The following SHPRH variants were observed in gnomAD, a reference collection of about 807,000 sequenced individuals.
SHPRH encodes the protein SNF2 histone linker PHD RING helicase.
Under a neutral mutation model 202.5 loss-of-function variants are expected in SHPRH, and 106 were observed. The observed-to-expected ratio is 0.52, with a 90% CI of 0.45 to 0.62. The LOEUF is 0.62. SHPRH is among the 20% of genes least tolerant of loss of function. SHPRH has a pLI of 0.00. For missense variants in SHPRH, 1,710 were observed against 2,020.0 expected (o/e 0.85, Z 2.94); for synonymous variants, 729 against 686.0 (o/e 1.06, Z -0.98).
intron 6 of SHPRH, among the ~76,000 whole-genome samples, chr6:145,946,793 T>C (rs912057216): frequency 2.6e-5 from 4 of 152,000 alleles, no homozygotes; most frequent in East Asian, 1.9e-4. Context: ...TTCTGCAAAC[T>C]TGACCCTACT....
At chr6:145,935,907 TAGAAA>T in intron 11 of SHPRH, 1 of 153,356 alleles carries the variant, frequency 6.5e-6, no homozygotes, top group Admixed American at 6.5e-5. Flanking sequence ...ATAATTCTCC[TAGAAA>T]AGAAGCCTAA....
chr6:145,912,981 AT>A (rs2128739870), intron 24 of SHPRH, among the ~76,000 whole-genome samples: 1 of 152,266 alleles, frequency 6.6e-6, no homozygotes, highest in East Asian at 1.9e-4. Flanking sequence ...AAAGGAATAT[AT>A]TTAATATAGT....
intron 1 of SHPRH, among the ~76,000 whole-genome samples, chr6:145,957,952 T>C (rs957975002): frequency 2.0e-5 from 3 of 152,288 alleles, no homozygotes; most frequent in Admixed American, 2.0e-4. Flanking sequence ...AATGGACAAA[T>C]TGTGGCATAG....
chr6:145,911,598 T>A (rs1783502242), intron 24 of SHPRH, among the ~76,000 whole-genome samples: 1 of 152,108 alleles, frequency 6.6e-6, no homozygotes, highest in African/African-American at 2.4e-5. Context: ...AAATGTAGTT[T>A]TAACCGTTTT....
At chr6:145,930,956 T>A (rs1785378343) in intron 14 of SHPRH, among the ~76,000 whole-genome samples, 1 of 152,216 alleles carries the variant, frequency 6.6e-6, no homozygotes, top group African/African-American at 2.4e-5. Flanking sequence ...TTATCCTTGG[T>A]AATATTCTTT....
intron 2 of SHPRH, among the ~76,000 whole-genome samples, chr6:145,875,702 CT>C (rs1355075764): frequency 6.6e-6 from 1 of 152,136 alleles, no homozygotes; most frequent in Non-Finnish European, 1.5e-5. Flanking sequence ...TAATAGTTAT[CT>C]TTGTTTCATG....
intron 28 of SHPRH, among the ~76,000 whole-genome samples, chr6:145,892,593 C>G (rs1237189309): frequency 2.0e-5 from 3 of 151,746 alleles, no homozygotes; most frequent in Non-Finnish European, 4.4e-5. Flanking sequence ...TCAAAGACTT[C>G]TAACATCCAG....
In SHPRH at chr6:145,950,364, A is replaced by G. The variant is rs781781211; in HGVS notation, c.882T>C (p.Asp294=). 6.2e-7 allele frequency: 1 copy of G among 1,613,298 alleles called. No individual in the cohort carries two copies. Among genetic ancestry groups the G allele is most frequent in the South Asian group, 1.1e-5 (1 of 91,070 alleles). The change falls in exon 4 of 30, where the codon GAT becomes GAC. Residue 294 remains aspartate, a synonymous_variant. Transcript: ENST00000275233. ...CAGGGATCAATGCAGGATGCTGGAC[A>G]TCCACTTGGATGGACTGCGTTTCTT... ...HQQETQSIQV[D]VQHPALIPVL... is the part of the protein sequence containing the mutation.
At chr6:145,917,371 A>T (rs1319921926) in intron 23 of SHPRH, 1 of 152,186 alleles carries the variant, frequency 6.6e-6, no homozygotes, top group East Asian at 1.9e-4. Context: ...GTCACGATTC[A>T]AAATTGGGCT....
chr6:145,930,906 A>C (rs1184253671), intron 14 of SHPRH, among the ~76,000 whole-genome samples: 1 of 152,116 alleles, frequency 6.6e-6, no homozygotes, highest in Non-Finnish European at 1.5e-5. Flanking sequence ...AGGTACGTTA[A>C]TATTTAGAAT....
chr6:145,943,272 G>A lies in SHPRH; in HGVS notation c.2109C>T (p.Cys703=), dbSNP rs779662778. Residue 703 remains cysteine (C), a synonymous_variant, in exon 9 of 30, where the codon TGC becomes TGT. Transcript: ENST00000275233. ...GTTCCATTGCAACAAGGCAGTGGGGGCAGTAAAAAGGCTTGATCTTCAGAT... is the reference window on the plus strand; with the variant it reads ...GTTCCATTGCAACAAGGCAGTGGGGACAGTAAAAAGGCTTGATCTTCAGAT... The part of the protein sequence containing the change: ...EKNLKIKPFY[C]PHCLVAMEPV... The A allele has an allele frequency of 6.2e-7, 1 of 1,613,772 alleles. No homozygotes were observed. Among genetic ancestry groups the A allele is most frequent in the Admixed American group, 1.7e-5 (1 of 59,892 alleles).
chr6:145,904,187 C>T (rs540738865), intron 25 of SHPRH: 21 of 151,818 alleles, frequency 1.4e-4, no homozygotes, highest in African/African-American at 2.9e-4. Context: ...GCATTCTGTA[C>T]GATATATGGT....
At chr6:145,962,906 AT>A (rs2128816034) in intron 1 of SHPRH, among the ~76,000 whole-genome samples, 1 of 152,332 alleles carries the variant, frequency 6.6e-6, no homozygotes, top group East Asian at 1.9e-4. Flanking sequence ...TGCTAGTTAC[AT>A]AAACTTTAAA....
chr6:145,958,929 T>C (rs1788784287), intron 1 of SHPRH, among the ~76,000 whole-genome samples: 1 of 152,092 alleles, frequency 6.6e-6, no homozygotes, highest in Admixed American at 6.5e-5. Flanking sequence ...ACCTCCTGGG[T>C]TCATGCCATT....
Position 145,926,418 on chromosome 6 carries a change from T to A in SHPRH, c.3202-122A>T, listed in dbSNP as rs556619542. 2,117 of 862,110 alleles carry A rather than the reference T, an allele frequency of 2.5e-3. 9 individuals are homozygous for A. Among genetic ancestry groups the A allele is most frequent in the Non-Finnish European group, 3.4e-3 (1,888 of 556,536 alleles). 53.4% of individuals were successfully genotyped at this position (862,110 alleles called of 1,614,324 possible). ...TTAAGATCATATCACCAAATACTTT[T>A]CCTATAAAAAAATCTGAGTACTACT... is the stretch of plus-strand genomic sequence containing the variant. On this transcript the variant is annotated intron_variant, in intron 15 of 29. Coordinates refer to ENST00000275233, the MANE Select transcript of SHPRH (RefSeq NM_001042683.3).
rs546524429 is a variant in SHPRH, at chr6:145,926,559, C to T, written c.3202-263G>A. Among the ~76,000 whole-genome samples, 3 of 151,984 alleles carry T rather than the reference C, an allele frequency of 2.0e-5. No individual in the cohort carries two copies. The South Asian group carries it at 6.2e-4, about 31-fold the overall frequency. On this transcript the variant is annotated intron_variant, in intron 15 of 29. Transcript: ENST00000275233. The stretch of plus-strand genomic sequence containing the variant: ...AATTTTTCCTCTCCCTCCACTTTTC[C>T]ATATGTTCCTCTAAATATCCACTCT...
downstream of SHPRH, among the ~76,000 whole-genome samples, chr6:145,862,962 TCA>T (rs1322564417): frequency 2.0e-5 from 3 of 152,208 alleles, no homozygotes; most frequent in African/African-American, 7.2e-5. Flanking sequence ...TAGTATATGC[TCA>T]GTTTATTTTA....
At chr6:145,929,844 G>A (rs1785248302) in intron 14 of SHPRH, among the ~76,000 whole-genome samples, 1 of 152,056 alleles carries the variant, frequency 6.6e-6, no homozygotes, top group South Asian at 2.1e-4. Context: ...TACATTGTGA[G>A]CAGGTTGAAA....
rs534361352 is a variant in SHPRH at position 145,944,529 on chromosome 6, G to T, written c.1579-727C>A. 1.9e-3 allele frequency among the ~76,000 whole-genome samples: 286 copies of T among 152,106 alleles called. 1 individual carries two copies. The highest frequency in any genetic ancestry group is 2.9e-3 in the Non-Finnish European group (199 of 67,980). Reference sequence around the variant, plus strand: ...GAACAGGGGAGTTAAGACACAACATGTAATCAATGGCATTAACTGAGGGAA... The same window carrying T: ...GAACAGGGGAGTTAAGACACAACATTTAATCAATGGCATTAACTGAGGGAA... On this transcript the variant is annotated intron_variant, in intron 8 of 29. Coordinates refer to ENST00000275233, the MANE Select transcript of SHPRH (RefSeq NM_001042683.3).
Sources: gnomAD v4.1 joint callset for allele counts (sites outside exome capture counted in the v4.1 genomes callset) on GRCh38, gnomAD v4.1.1 for gene constraint, MANE v1.5 for transcripts, NCBI Gene and HGNC (gene_info 2026-07-23, HGNC 2026-07-21) for gene names.